Variants in GNG4 observed in about 807,000 individuals in gnomAD.
GNG4 encodes the protein guanine nucleotide-binding protein G(I)/G(S)/G(O) subunit gamma-4.
In GNG4, 4 loss-of-function variants were observed where a neutral mutation model predicts 5.8. The ratio of observed to expected loss-of-function variants is 0.69; its 90% CI spans 0.34 to 1.57. GNG4 has a LOEUF of 1.57. Ranked by LOEUF, GNG4 falls within the 40% of genes most tolerant of loss-of-function variation. The pLI is 0.06. For synonymous variants in GNG4, 29 were observed against 32.9 expected (o/e 0.88, Z 0.41); for missense variants, 96 against 95.1 (o/e 1.01, Z -0.04).
chr1:235,557,165 A>G (rs1052797031), intron 3 of GNG4, among the ~76,000 whole-genome samples: 16 of 152,082 alleles, frequency 1.1e-4, no homozygotes, highest in Non-Finnish European at 1.5e-4. Context: ...CACAGAATCT[A>G]CACTCGATAC....
At position 235,648,762 on chromosome 1, in the gene GNG4, G is replaced by A. The variant is rs1657580234; in HGVS notation, c.-123+900C>T. ...CGGTGCCAGCATTTGACAGTCCTGG[G>A]AGGCGACGGGTAGAGGAGAGACGCG... On this transcript the variant is annotated intron_variant, in intron 1 of 3. Transcript: ENST00000391854. This position sits in a 1 kb window ranked among gnomAD's most constrained non-coding sequence, Gnocchi z 5.0. Among the ~76,000 whole-genome samples, 1 of 152,246 alleles carries A rather than the reference G, an allele frequency of 6.6e-6. No homozygotes were observed. The highest frequency in any genetic ancestry group is 2.4e-5 in the African/African-American group (1 of 41,466).
intron 1 of GNG4, among the ~76,000 whole-genome samples, chr1:235,602,075 C>T (rs780278844): frequency 1.3e-5 from 2 of 152,176 alleles, no homozygotes; most frequent in African/African-American, 4.8e-5. Context: ...AGTTTGAGAC[C>T]AGCCTGGCCA....
intron 3 of GNG4, among the ~76,000 whole-genome samples, chr1:235,557,918 G>A (rs1686960595): frequency 6.6e-6 from 1 of 152,192 alleles, no homozygotes. Context: ...GCCTTGCCAG[G>A]TCTAAGCAGG....
intron 2 of GNG4, among the ~76,000 whole-genome samples, chr1:235,594,149 C>T (rs907056343): frequency 6.6e-6 from 1 of 152,132 alleles, no homozygotes; most frequent in Middle Eastern, 3.4e-3. Flanking sequence ...TACAGAGTGT[C>T]CACACAAAGG....
chr1:235,588,025 G>C (rs1023689356), intron 2 of GNG4, among the ~76,000 whole-genome samples: 1 of 151,780 alleles, frequency 6.6e-6, no homozygotes, highest in Non-Finnish European at 1.5e-5. Flanking sequence ...TCTCAGTCCC[G>C]TCAGGCCCCT....
intron 3 of GNG4, among the ~76,000 whole-genome samples, chr1:235,571,109 T>C (rs1159379969): frequency 6.6e-6 from 1 of 151,986 alleles, no homozygotes; most frequent in Non-Finnish European, 1.5e-5. Context: ...CTTAAAATAT[T>C]CTACAATACT....
At chr1:235,564,539 A>C (rs1687145693) in intron 3 of GNG4, among the ~76,000 whole-genome samples, 1 of 152,156 alleles carries the variant, frequency 6.6e-6, no homozygotes, top group Admixed American at 6.5e-5. Flanking sequence ...TGCCATATTT[A>C]TACTCTCCTC....
Position 235,550,184 on chromosome 1 carries a change from C to T in GNG4, c.*1925G>A, listed in dbSNP as rs902735505. On this transcript the variant is annotated 3_prime_UTR_variant, in exon 4 of 4. Coordinates refer to ENST00000391854, the MANE Select transcript of GNG4 (RefSeq NM_001098722.2). The stretch of plus-strand genomic sequence containing the variant: ...AGGTTGATCTTAGACAATCCAAGAG[C>T]TAATTCATCGATGTCTAGCCTTTCC... The T allele has an allele frequency of 2.2e-4, 34 of 152,226 alleles. No homozygotes were observed. The highest frequency in any genetic ancestry group is 7.7e-4 in the African/African-American group (32 of 41,454). The allele number at this position is 152,226 out of a possible 1,614,324, so 9.4% of individuals were successfully genotyped here. A position where few individuals can be genotyped will look rare whatever the true frequency, so the allele number is the denominator to read the frequency against.
chr1:235,594,676 A>T (rs1293921611), intron 2 of GNG4, among the ~76,000 whole-genome samples: 1 of 152,162 alleles, frequency 6.6e-6, no homozygotes, highest in African/African-American at 2.4e-5. Context: ...GGCCGCTCCC[A>T]GTGCGGGGCC....
At chr1:235,580,739 GTTTTTTGT>G (rs1288297823) in intron 3 of GNG4, among the ~76,000 whole-genome samples, 5 of 98,048 alleles carry the variant, frequency 5.1e-5, no homozygotes, top group African/African-American at 2.3e-4. Context: ...GGCCTATCCC[GTTTTTTGT>G]TTTTTTTTTT....
chr1:235,590,988 G>C (rs1398903627), intron 2 of GNG4, among the ~76,000 whole-genome samples: 1 of 152,136 alleles, frequency 6.6e-6, no homozygotes, highest in Non-Finnish European at 1.5e-5. Context: ...CTGGGGTAGG[G>C]GCCGAGATCC....
intron 1 of GNG4, among the ~76,000 whole-genome samples, chr1:235,597,623 T>TATATTTTTTTTTTTTCA (rs1688156110): frequency 9.9e-6 from 1 of 100,996 alleles, no homozygotes; most frequent in African/African-American, 4.0e-5. Flanking sequence ...TGTGTGTGTG[T>TATATTTTTTTTTTTTCA]GTGTGTATTT....
rs189749216 is a variant in GNG4, at chr1:235,572,293, G to A, written c.99+11447C>T. Reference sequence around the variant, plus strand: ...CGGCTCACTGTAACCTCTGCCTCCCGGGTTCAAGCGATTCTCTTGCCTCAG... The same window carrying A: ...CGGCTCACTGTAACCTCTGCCTCCCAGGTTCAAGCGATTCTCTTGCCTCAG... On this transcript the variant is annotated intron_variant, in intron 3 of 3. Coordinates refer to ENST00000391854, the MANE Select transcript of GNG4 (RefSeq NM_001098722.2). 4.4e-4 allele frequency among the ~76,000 whole-genome samples: 67 copies of A among 152,092 alleles called. No homozygotes were observed. The East Asian group carries it at 9.5e-3, about 21-fold the overall frequency.
chr1:235,626,733 C>T (rs1445405551), intron 1 of GNG4, among the ~76,000 whole-genome samples: 8 of 152,006 alleles, frequency 5.3e-5, no homozygotes, highest in African/African-American at 1.9e-4. Context: ...CCAAGGCAGT[C>T]GGATCACCTG....
intron 3 of GNG4, among the ~76,000 whole-genome samples, chr1:235,553,449 C>T (rs1425676585): frequency 6.6e-6 from 1 of 152,114 alleles, no homozygotes; most frequent in African/African-American, 2.4e-5. Flanking sequence ...ATGTCTAAAT[C>T]TTCCCCAGAA....
intron 1 of GNG4, among the ~76,000 whole-genome samples, chr1:235,603,105 TGGTGGCA>T: frequency 6.6e-6 from 1 of 152,062 alleles, no homozygotes. Flanking sequence ...TAGCCAGGTG[TGGTGGCA>T]GGTGCCTGAA....
chr1:235,586,185 A>C (rs1363503364), intron 2 of GNG4, among the ~76,000 whole-genome samples: 1 of 152,236 alleles, frequency 6.6e-6, no homozygotes, highest in Non-Finnish European at 1.5e-5. Flanking sequence ...TTGGAACTTT[A>C]ACTCAACAAC....
chr1:235,552,067 C>A lies in GNG4; in HGVS notation c.*42G>T. 4 of 1,602,026 alleles carry A rather than the reference C, an allele frequency of 2.5e-6. No homozygotes were observed. Among genetic ancestry groups the A allele is most frequent in the Non-Finnish European group, 2.6e-6 (3 of 1,170,004 alleles). ...GAGCATGCATGGTCTCTACAGGGGACTTTGAAGGTCAGAAAAGGAGGCGTT... is the reference window on the plus strand; with the variant it reads ...GAGCATGCATGGTCTCTACAGGGGAATTTGAAGGTCAGAAAAGGAGGCGTT... On this transcript the variant is annotated 3_prime_UTR_variant, in exon 4 of 4. Transcript: ENST00000391854.
chr1:235,616,076 G>T, intron 1 of GNG4: 2 of 400,660 alleles, frequency 5.0e-6, no homozygotes, highest in South Asian at 3.8e-5. Flanking sequence ...GTTCCCACAT[G>T]ACTTTGTCAT....
Sources: gnomAD v4.1 joint callset for allele counts (sites outside exome capture counted in the v4.1 genomes callset) on GRCh38, gnomAD v4.1.1 for gene constraint, Gnocchi (gnomAD v3.1) non-coding constraint, MANE v1.5 for transcripts, NCBI Gene and HGNC (gene_info 2026-07-23, HGNC 2026-07-21) for gene names.